Variants in MTHFS observed in about 807,000 individuals in gnomAD.
MTHFS encodes methenyltetrahydrofolate synthetase, also known as 5-formyltetrahydrofolate cyclo-ligase.
In MTHFS, 7 loss-of-function variants were observed where a neutral mutation model predicts 12.7. The ratio of observed to expected loss-of-function variants is 0.55; its 90% confidence interval spans 0.31 to 1.03. MTHFS has a LOEUF of 1.03. MTHFS is among the 50% of genes least tolerant of loss of function. The pLI is 0.05. For missense variants in MTHFS, 252 were observed against 258.1 expected, an observed-to-expected ratio of 0.98 and a Z score of 0.16; for synonymous variants, 100 against 97.1, an observed-to-expected ratio of 1.03 and a Z score of -0.18.
chr15:79,895,073 G>A (rs910239828), intron 1 of MTHFS, among the ~76,000 whole-genome samples: 1 of 151,740 alleles, frequency 6.6e-6, no homozygotes, highest in Admixed American at 6.6e-5. Context: ...TCTCACAATC[G>A]ACCTACAAGA....
At chr15:79,858,239 C>G (rs1214796808) in intron 2 of MTHFS, among the ~76,000 whole-genome samples, 1 of 152,018 alleles carries the variant, frequency 6.6e-6, no homozygotes. Flanking sequence ...GCTAAAAATG[C>G]ATCTAATCAG....
chr15:79,889,694 A>C (rs2034441807), intron 1 of MTHFS, among the ~76,000 whole-genome samples: 1 of 152,044 alleles, frequency 6.6e-6, no homozygotes, highest in Non-Finnish European at 1.5e-5. Context: ...GTCTTCGGTC[A>C]TTTCACATGC....
intron 2 of MTHFS, among the ~76,000 whole-genome samples, chr15:79,873,606 A>G (rs1308062400): frequency 3.9e-5 from 6 of 152,216 alleles, no homozygotes; most frequent in African/African-American, 1.4e-4. Context: ...CAGCCATTTC[A>G]GGGATTTGGA....
intron 2 of MTHFS, among the ~76,000 whole-genome samples, chr15:79,885,180 G>A (rs1017974878): frequency 5.3e-4 from 81 of 152,128 alleles, no homozygotes; most frequent in African/African-American, 1.9e-3. Flanking sequence ...TACTGATCAT[G>A]AACAACCTAG....
upstream of MTHFS, chr15:79,897,222 C>G: frequency 2.3e-6 from 1 of 443,116 alleles, no homozygotes; most frequent in Non-Finnish European, 3.9e-6. Flanking sequence ...TCGCCCTCCC[C>G]GGTTAGGGGA....
chr15:79,861,930 C>G (rs545857130), intron 2 of MTHFS, among the ~76,000 whole-genome samples: 2 of 152,128 alleles, frequency 1.3e-5, no homozygotes, highest in African/African-American at 2.4e-5. Flanking sequence ...GTGGTCACAT[C>G]TGGGGAACAG....
chr15:79,894,802 A>G (rs571363520), intron 1 of MTHFS, among the ~76,000 whole-genome samples: 6 of 152,186 alleles, frequency 3.9e-5, no homozygotes, highest in African/African-American at 1.4e-4. Flanking sequence ...ACCTCTTCCA[A>G]TCAGTTGCCA....
At chr15:79,893,558 C>T (rs540112250) in intron 1 of MTHFS, among the ~76,000 whole-genome samples, 9 of 151,616 alleles carry the variant, frequency 5.9e-5, no homozygotes, top group South Asian at 2.1e-4. Flanking sequence ...ATTAGTCGGG[C>T]GTGGTGGCGG....
At chr15:79,872,269 A>C (rs2141361218) in intron 2 of MTHFS, among the ~76,000 whole-genome samples, 1 of 152,324 alleles carries the variant, frequency 6.6e-6, no homozygotes, top group African/African-American at 2.4e-5. Context: ...AGCACACTAC[A>C]ATGAAGAAAT....
At chr15:79,890,728 A>T (rs1317293047) in intron 1 of MTHFS, among the ~76,000 whole-genome samples, 1 of 152,212 alleles carries the variant, frequency 6.6e-6, no homozygotes, top group Non-Finnish European at 1.5e-5. Context: ...TAAAAAAGGA[A>T]ACACAGAAAT....
At chr15:79,855,708 CCT>C (rs2033789151) in intron 2 of MTHFS, among the ~76,000 whole-genome samples, 1 of 152,078 alleles carries the variant, frequency 6.6e-6, no homozygotes, top group Non-Finnish European at 1.5e-5. Flanking sequence ...CTGCTGTTCC[CCT>C]CTTTCTTCCA....
intron 2 of MTHFS, among the ~76,000 whole-genome samples, chr15:79,861,077 A>C (rs1182735372): frequency 6.6e-6 from 1 of 152,178 alleles, no homozygotes; most frequent in Non-Finnish European, 1.5e-5. Flanking sequence ...CATCATCATC[A>C]AGCACTTATA....
chr15:79,885,060 T>C (rs1247057750), intron 2 of MTHFS, among the ~76,000 whole-genome samples: 1 of 152,204 alleles, frequency 6.6e-6, no homozygotes, highest in Non-Finnish European at 1.5e-5. Context: ...ATGAAATCCA[T>C]ACCCACTATC....
chr15:79,863,913 CA>C (rs2033960348), intron 2 of MTHFS, among the ~76,000 whole-genome samples: 2 of 152,314 alleles, frequency 1.3e-5, no homozygotes, highest in South Asian at 4.1e-4. Flanking sequence ...CTGCTACATG[CA>C]GCCGAATCTG....
intron 1 of MTHFS, among the ~76,000 whole-genome samples, chr15:79,894,129 A>C (rs2034523879): frequency 6.6e-6 from 1 of 152,224 alleles, no homozygotes; most frequent in Non-Finnish European, 1.5e-5. Context: ...TCACGCCTGT[A>C]ATCCCAGCAC....
chr15:79,892,562 A>G (rs1232445469), intron 1 of MTHFS, among the ~76,000 whole-genome samples: 1 of 152,226 alleles, frequency 6.6e-6, no homozygotes, highest in Non-Finnish European at 1.5e-5. Context: ...CACTTGAAAC[A>G]TTACCTTCCT....
At chr15:79,886,936 T>C (rs1317514796) in intron 2 of MTHFS, among the ~76,000 whole-genome samples, 1 of 152,172 alleles carries the variant, frequency 6.6e-6, no homozygotes, top group Non-Finnish European at 1.5e-5. Flanking sequence ...ATGTGACAAA[T>C]GACATGCTAA....
intron 2 of MTHFS, among the ~76,000 whole-genome samples, chr15:79,847,754 T>G (rs191119405): frequency 5.1e-4 from 76 of 150,034 alleles, no homozygotes; most frequent in African/African-American, 1.7e-3. Context: ...GAAAATATAC[T>G]CAACATCACT....
intron 2 of MTHFS, chr15:79,876,214 G>C (rs2034191828): frequency 6.6e-6 from 1 of 152,098 alleles, no homozygotes; most frequent in South Asian, 2.1e-4. Flanking sequence ...GGGGAAATCA[G>C]TCAAGGAAAA....
Sources: gnomAD v4.1 joint callset for allele counts (sites outside exome capture counted in the v4.1 genomes callset) on GRCh38, gnomAD v4.1.1 for gene constraint, MANE v1.5 for transcripts, NCBI Gene and HGNC (gene_info 2026-07-23, HGNC 2026-07-21) for gene names.